DNM2: variants seen among roughly 807,000 people sequenced by gnomAD.
DNM2 encodes the protein dynamin-2.
DNM2 carries 15 observed loss-of-function variants against 99.0 expected under a neutral mutation model. That is an observed-to-expected ratio of 0.15 (90% CI 0.10 to 0.23). DNM2 has a LOEUF of 0.23. Among genes scored for constraint, DNM2 ranks in the 10% least tolerant of loss-of-function variants. The pLI, the probability that DNM2 is intolerant of heterozygous loss-of-function variation, is 1.00. For synonymous variants in DNM2, 525 were observed against 481.2 expected, an observed-to-expected ratio of 1.09 and a Z score of -1.19; for missense variants, 742 against 1,189.4, an observed-to-expected ratio of 0.62 and a Z score of 5.53.
rs2070721471 is a variant in DNM2, at chr19:10,764,118, C to T, written c.235+4307C>T. Among the ~76,000 whole-genome samples the T allele has an allele frequency of 6.6e-6, 1 of 152,142 alleles. No homozygotes were observed. Among genetic ancestry groups the T allele is most frequent in the African/African-American group, 2.4e-5 (1 of 41,422 alleles). Reference sequence around the variant, plus strand: ...GGGCCTTGTGGGGTATACACCAGACCACGTGGCTCCTAGGGATTGGCAGCT... The same window carrying T: ...GGGCCTTGTGGGGTATACACCAGACTACGTGGCTCCTAGGGATTGGCAGCT... On this transcript the variant is annotated intron_variant, in intron 2 of 20. Coordinates refer to ENST00000389253, the MANE Select transcript of DNM2 (RefSeq NM_001005361.3). The surrounding 1 kb of genome is among the most constrained non-coding windows in gnomAD (Gnocchi z 4.1).
rs1046681858 is a variant in DNM2, at chr19:10,796,497, C to T, written c.1197-883C>T. On this transcript the variant is annotated intron_variant, in intron 9 of 20. Coordinates refer to ENST00000389253, the MANE Select transcript of DNM2 (RefSeq NM_001005361.3). The surrounding 1 kb of genome is among the most constrained non-coding windows in gnomAD (Gnocchi z 5.6). ...AAATTGGGGTTTCACTGGGCTGTTG[C>T]TTTGCTGCCTCCTGGGAAGCAGAGA... Among the ~76,000 whole-genome samples the T allele has an allele frequency of 6.6e-6, 1 of 152,144 alleles. No homozygotes were observed. Among genetic ancestry groups the T allele is most frequent in the African/African-American group, 2.4e-5 (1 of 41,436 alleles).
intron 1 of DNM2, among the ~76,000 whole-genome samples, chr19:10,725,399 T>A (rs1281715979): frequency 1.4e-5 from 2 of 144,346 alleles, no homozygotes; most frequent in African/African-American, 5.2e-5. Context: ...TAAGCGGAGA[T>A]CACGCCATTG....
At chr19:10,824,926 G>T in intron 17 of DNM2, 131 bp from the exon 18 acceptor site, 1 of 1,440,124 alleles carries the variant, frequency 6.9e-7, no homozygotes, top group Non-Finnish European at 9.7e-7. Flanking sequence ...AGGCCTATCT[G>T]GTGCCAGTGG....
At chr19:10,718,819 G>T (rs1021093590) in intron 1 of DNM2, among the ~76,000 whole-genome samples, 3 of 152,096 alleles carry the variant, frequency 2.0e-5, no homozygotes, top group African/African-American at 7.2e-5. Context: ...TGGCTGGCTT[G>T]TTCTTGTATC....
chr19:10,824,352 A>C (rs777972904), intron 17 of DNM2: 15 of 228,478 alleles, frequency 6.6e-5, no homozygotes, highest in Non-Finnish European at 1.2e-4. Flanking sequence ...AACTACAAAA[A>C]TTAGCCAGGC....
intron 2 of DNM2, among the ~76,000 whole-genome samples, chr19:10,771,454 A>AG (rs2070976378): frequency 6.6e-6 from 1 of 152,128 alleles, no homozygotes; most frequent in South Asian, 2.1e-4. Context: ...GTCTCTAGGT[A>AG]GGGGGCCCTC....
intron 1 of DNM2, among the ~76,000 whole-genome samples, chr19:10,746,763 C>T (rs1182802742): frequency 8.1e-6 from 1 of 124,092 alleles, no homozygotes. Context: ...CAGTCTCACT[C>T]TGTTGCCCAG....
chr19:10,809,745 G>T (rs913198978), intron 14 of DNM2: 1 of 152,456 alleles, frequency 6.6e-6, no homozygotes, highest in Non-Finnish European at 1.5e-5. Flanking sequence ...CCAAGGCGCT[G>T]GTCATCCCTG....
intron 1 of DNM2, among the ~76,000 whole-genome samples, chr19:10,726,919 C>G (rs2069135043): frequency 6.6e-6 from 1 of 152,110 alleles, no homozygotes; most frequent in Non-Finnish European, 1.5e-5. Context: ...TAAGCGTGTC[C>G]AGACAACCGA....
At chr19:10,785,644 T>C (rs1045113105) in intron 6 of DNM2, among the ~76,000 whole-genome samples, 2 of 152,148 alleles carry the variant, frequency 1.3e-5, no homozygotes, top group African/African-American at 4.8e-5. Flanking sequence ...TCTCACCATA[T>C]TGCCTGGGCT....
At position 10,830,582 on chromosome 19, in the gene DNM2, A is replaced by T; in HGVS notation, c.2543+204A>T. The T allele has an allele frequency of 6.0e-6, 4 of 668,206 alleles. No individual in the cohort carries two copies. Among genetic ancestry groups the T allele is most frequent in the Non-Finnish European group, 7.5e-6 (3 of 402,028 alleles). The allele number at this position is 668,206 out of a possible 1,614,324, so 41.4% of individuals were successfully genotyped here. A position where few individuals can be genotyped will look rare whatever the true frequency, so the allele number is the denominator to read the frequency against. On this transcript the variant is annotated intron_variant, in intron 20 of 20. Transcript: ENST00000389253. The surrounding 1 kb of genome is among the most constrained non-coding windows in gnomAD (Gnocchi z 4.8). ...GTCACAGAGTAGCGGAGCCCTGGTG[A>T]CTCCGGGGCTCCCAGCTTGCCCTCT...
chr19:10,777,842 G>A (rs1407556253), intron 5 of DNM2, among the ~76,000 whole-genome samples: 2 of 151,946 alleles, frequency 1.3e-5, no homozygotes, highest in Non-Finnish European at 1.5e-5. Context: ...TGATCCACTT[G>A]CCTTGGCCTC....
At chr19:10,807,658 C>T (rs2072395111) in intron 13 of DNM2, among the ~76,000 whole-genome samples, 2 of 144,768 alleles carry the variant, frequency 1.4e-5, no homozygotes, top group African/African-American at 5.1e-5. Flanking sequence ...GTGTGATTCT[C>T]CTGCCTCAGC....
Position 10,818,971 on chromosome 19 carries a change from A to C in DNM2, c.1672-1009A>C, listed in dbSNP as rs768151656. Among the ~76,000 whole-genome samples the C allele has an allele frequency of 3.4e-4, 52 of 152,062 alleles. No homozygotes were observed. The highest frequency in any genetic ancestry group is 6.9e-4 in the Non-Finnish European group (47 of 67,992). ...CTGCTGCTGTGGCGGGTGGGCACAC[A>C]CATCACTGGGTGAGTGTGGGACTCC... On this transcript the variant is annotated intron_variant, in intron 15 of 20. Transcript: ENST00000389253. The surrounding 1 kb of genome is among the most constrained non-coding windows in gnomAD (Gnocchi z 4.3).
intron 8 of DNM2, 119 bp downstream of exon 8, chr19:10,793,974 T>C: frequency 5.2e-6 from 8 of 1,542,992 alleles, no homozygotes; most frequent in Non-Finnish European, 7.1e-6. Context: ...CCTGAACTTG[T>C]GGTGGGCAGG....
intron 7 of DNM2, 181 bp downstream of exon 7, chr19:10,786,887 C>A: frequency 7.6e-7 from 1 of 1,316,940 alleles, no homozygotes; most frequent in South Asian, 1.4e-5. Context: ...GTGGAGGGGA[C>A]AGGTGTCCGT....
At chr19:10,785,807 G>GTTTTTC (rs1326991157) in intron 6 of DNM2, among the ~76,000 whole-genome samples, 2 of 151,910 alleles carry the variant, frequency 1.3e-5, no homozygotes, top group African/African-American at 4.8e-5. Flanking sequence ...TTATGGCTTT[G>GTTTTTC]TTTTTCTTTT....
At chr19:10,749,927 C>A (rs903404576) in intron 1 of DNM2, among the ~76,000 whole-genome samples, 1 of 152,170 alleles carries the variant, frequency 6.6e-6, no homozygotes, top group African/African-American at 2.4e-5. Context: ...GGGAACACCC[C>A]CTGCAAAGGC....
intron 10 of DNM2, among the ~76,000 whole-genome samples, chr19:10,797,990 G>A (rs2071997761): frequency 6.6e-6 from 1 of 152,188 alleles, no homozygotes; most frequent in Non-Finnish European, 1.5e-5. Context: ...TGAAGCCTGG[G>A]GAGGTGGGGG....
Sources: allele counts gnomAD v4.1 joint callset (sites outside exome capture counted in the v4.1 genomes callset), GRCh38; gene constraint gnomAD v4.1.1; non-coding constraint Gnocchi (gnomAD v3.1); transcripts MANE v1.5; gene names NCBI Gene and HGNC (gene_info 2026-07-23, HGNC 2026-07-21).